Variants in APBA2 observed in about 807,000 individuals in gnomAD.
APBA2 encodes amyloid beta precursor protein binding family A member 2, also known as amyloid-beta A4 precursor protein-binding family A member 2.
Under a neutral mutation model 75.0 loss-of-function variants are expected in APBA2, and 30 were observed. The observed-to-expected ratio is 0.40, with a 90% CI of 0.30 to 0.54. The LOEUF is 0.54. Among genes scored for constraint, APBA2 ranks in the 20% least tolerant of loss-of-function variants. APBA2 has a pLI of 0.49. For missense variants in APBA2, 801 were observed against 1,016.1 expected (o/e 0.79, Z 2.88); for synonymous variants, 444 against 409.6 (o/e 1.08, Z -1.01).
intron 1 of APBA2, chr15:28,893,791 A>T (rs928234083): frequency 6.6e-6 from 1 of 152,292 alleles, no homozygotes; most frequent in South Asian, 2.1e-4. Flanking sequence ...ACTCCTGATT[A>T]TGTCTCTCCC....
chr15:29,091,274 G>A (rs2043558443), intron 6 of APBA2, among the ~76,000 whole-genome samples: 1 of 152,162 alleles, frequency 6.6e-6, no homozygotes, highest in Admixed American at 6.5e-5. Context: ...CACAGGGGAG[G>A]GATGGGGGTC....
chr15:28,985,414 G>A (rs1441516189), intron 2 of APBA2, among the ~76,000 whole-genome samples: 2 of 152,160 alleles, frequency 1.3e-5, no homozygotes, highest in Non-Finnish European at 2.9e-5. Context: ...CTAACAAGCC[G>A]AGGTCAGAGA....
chr15:29,106,623 A>G lies in APBA2; in HGVS notation c.1721A>G (p.His574Arg). The change falls in exon 12 of 15, where the codon CAC (histidine) becomes CGC (arginine). Residue 574 changes from histidine (H) to arginine (R), a missense_variant. Physicochemically the swap from His to Arg is conservative, Grantham distance 29. This residue lies in a region of APBA2 where 367 missense variants were observed against 544.5 expected (regional missense o/e 0.67). Coordinates refer to ENST00000683413, the MANE Select transcript of APBA2 (RefSeq NM_001353788.2). Reference sequence around the variant, plus strand: ...CCTTTGCAGCTGCAGCTGGAGAAGCACAAGGGCGAGATCCTGGGCGTGGTG... The same window carrying G: ...CCTTTGCAGCTGCAGCTGGAGAAGCGCAAGGGCGAGATCCTGGGCGTGGTG... ...ENCKELQLEKHKGEILGVVVV... is the reference protein window; with the variant it reads ...ENCKELQLEKRKGEILGVVVV... 1 of 1,613,178 alleles carries G rather than the reference A, an allele frequency of 6.2e-7. No individual in the cohort carries two copies. Among genetic ancestry groups the G allele is most frequent in the South Asian group, 1.1e-5 (1 of 91,086 alleles).
chr15:29,004,972 G>A (rs562836548), intron 3 of APBA2, among the ~76,000 whole-genome samples: 10 of 152,000 alleles, frequency 6.6e-5, no homozygotes, highest in South Asian at 6.3e-4. Context: ...GAGCCATCAC[G>A]CCCGGCCAGG....
At position 29,116,348 on chromosome 15, in the gene APBA2, C is replaced by T. The variant is rs183368703; in HGVS notation, c.2179-714C>T. 3.9e-3 allele frequency among the ~76,000 whole-genome samples: 598 copies of T among 152,152 alleles called. 2 individuals carry two copies. The highest frequency in any genetic ancestry group is 6.6e-3 in the Non-Finnish European group (450 of 67,992). ...GTGTTTTGTAAGAAGGGGTGTAGGCCGGGCGCGGTGGCTCAGGCCTGTAAT... is the reference window on the plus strand; with the variant it reads ...GTGTTTTGTAAGAAGGGGTGTAGGCTGGGCGCGGTGGCTCAGGCCTGTAAT... On this transcript the variant is annotated intron_variant, in intron 14 of 14. Transcript: ENST00000683413.
chr15:28,957,248 A>G (rs28409240), intron 2 of APBA2, among the ~76,000 whole-genome samples: 1 of 90,018 alleles, frequency 1.1e-5, no homozygotes, highest in Non-Finnish European at 1.7e-5. Flanking sequence ...AATTTTTTTA[A>G]GTATTTTTAG....
chr15:28,965,089 CAT>C (rs1183981535), intron 2 of APBA2, among the ~76,000 whole-genome samples: 1 of 151,642 alleles, frequency 6.6e-6, no homozygotes, highest in African/African-American at 2.4e-5. Flanking sequence ...TTTTTTTCTA[CAT>C]GTCTTATAGT....
intron 2 of APBA2, among the ~76,000 whole-genome samples, chr15:28,994,031 T>G (rs1215386947): frequency 1.3e-5 from 2 of 152,190 alleles, no homozygotes; most frequent in African/African-American, 4.8e-5. Context: ...GGACTCCCAG[T>G]GGAGGATTCT....
At chr15:29,040,814 A>G (rs1050148052) in intron 3 of APBA2, among the ~76,000 whole-genome samples, 2 of 152,220 alleles carry the variant, frequency 1.3e-5, no homozygotes, top group African/African-American at 4.8e-5. Flanking sequence ...AGAAGCAAAA[A>G]AATCTGACTA....
At chr15:29,071,921 T>C (rs2042639640) in intron 4 of APBA2, among the ~76,000 whole-genome samples, 1 of 151,624 alleles carries the variant, frequency 6.6e-6, no homozygotes. Context: ...TACTGGGGAG[T>C]CCCATGGGTA....
At chr15:28,971,937 GA>G (rs2037091687) in intron 2 of APBA2, among the ~76,000 whole-genome samples, 1 of 152,060 alleles carries the variant, frequency 6.6e-6, no homozygotes, top group Admixed American at 6.5e-5. Context: ...TGCTGGACAT[GA>G]AAACAGCCAA....
At chr15:28,938,593 C>G (rs550334577) in intron 2 of APBA2, among the ~76,000 whole-genome samples, 1 of 152,170 alleles carries the variant, frequency 6.6e-6, no homozygotes, top group Non-Finnish European at 1.5e-5. Flanking sequence ...ACTGCACCCT[C>G]CACCTCCCTG....
At chr15:28,914,496 G>T (rs1369293141) in intron 1 of APBA2, among the ~76,000 whole-genome samples, 1 of 152,024 alleles carries the variant, frequency 6.6e-6, no homozygotes, top group Non-Finnish European at 1.5e-5. Flanking sequence ...CGCCCATGGG[G>T]CCTGAGAGTG....
chr15:29,021,689 A>T (rs1271119631), intron 3 of APBA2, among the ~76,000 whole-genome samples: 2 of 152,136 alleles, frequency 1.3e-5, no homozygotes, highest in Non-Finnish European at 2.9e-5. Flanking sequence ...GCAGATTTTT[A>T]ACTGTACAAT....
intron 2 of APBA2, among the ~76,000 whole-genome samples, chr15:28,932,251 C>A (rs115178450): frequency 0.011 from 1,664 of 152,216 alleles, 42 homozygotes; most frequent in African/African-American, 0.038. Context: ...CCCTGGAGAG[C>A]TGAGGGGGGC....
intron 3 of APBA2, among the ~76,000 whole-genome samples, chr15:29,027,607 CT>C (rs1342329449): frequency 6.7e-6 from 1 of 148,600 alleles, no homozygotes; most frequent in East Asian, 2.0e-4. Flanking sequence ...TCTTTTTTTT[CT>C]TTTTTTTTCT....
At chr15:29,047,714 G>A (rs1400880151) in intron 3 of APBA2, among the ~76,000 whole-genome samples, 1 of 152,136 alleles carries the variant, frequency 6.6e-6, no homozygotes, top group Non-Finnish European at 1.5e-5. Flanking sequence ...CCACATGCCG[G>A]AAAGGGGAAG....
intron 2 of APBA2, among the ~76,000 whole-genome samples, chr15:28,959,255 G>A (rs1409014691): frequency 1.3e-5 from 2 of 152,164 alleles, no homozygotes; most frequent in Admixed American, 6.5e-5. Flanking sequence ...CCAAAGTGCT[G>A]GGATTACAGG....
intron 3 of APBA2, among the ~76,000 whole-genome samples, chr15:29,002,506 A>G (rs1007083318): frequency 6.6e-6 from 1 of 151,792 alleles, no homozygotes; most frequent in Non-Finnish European, 1.5e-5. Flanking sequence ...TTACCATCTC[A>G]TAAGAAACCC....
Sources: allele counts gnomAD v4.1 joint callset (sites outside exome capture counted in the v4.1 genomes callset), GRCh38; gene constraint gnomAD v4.1.1; regional missense constraint gnomAD v4.1.1; transcripts MANE v1.5; gene names NCBI Gene and HGNC (gene_info 2026-07-23, HGNC 2026-07-21).